Variants in MCMDC2 observed in about 807,000 individuals in gnomAD.
The protein encoded by MCMDC2 is minichromosome maintenance domain-containing protein 2.
Under a neutral mutation model 75.8 loss-of-function variants are expected in MCMDC2, and 54 were observed. The observed-to-expected ratio is 0.71, with a 90% CI of 0.57 to 0.89. MCMDC2 has a LOEUF of 0.89. Ranked by LOEUF, MCMDC2 falls within the 40% of genes least tolerant of loss-of-function variation. The pLI is 0.00. For synonymous variants in MCMDC2, 249 were observed against 274.6 expected, an observed-to-expected ratio of 0.91 and a Z score of 0.92; for missense variants, 656 against 780.4, an observed-to-expected ratio of 0.84 and a Z score of 1.90.
intron 11 of MCMDC2, 118 bp from the exon 12 acceptor site, chr8:66,896,662 A>G (rs1012862130): frequency 1.8e-5 from 13 of 713,040 alleles, no homozygotes; most frequent in Non-Finnish European, 2.5e-5. Flanking sequence ...TATAATTAAT[A>G]TGATAAATAA....
At position 66,886,207 on chromosome 8, in the gene MCMDC2, C is replaced by T. The variant is rs576219167; in HGVS notation, c.1073+2213C>T. ...AAGACGGAGTTTCACTCTTGTTGCC[C>T]GGGCTGGAGTGCAATGGCACCATCT... On this transcript the variant is annotated intron_variant, in intron 9 of 14. Coordinates refer to ENST00000422365, the MANE Select transcript of MCMDC2 (RefSeq NM_173518.5). Among the ~76,000 whole-genome samples, 10 of 148,754 alleles carry T rather than the reference C, an allele frequency of 6.7e-5. No homozygotes were observed. The East Asian group carries it at 9.9e-4, about 15-fold the overall frequency.
chr8:66,917,698 T>C (rs982070669), intron 14 of MCMDC2, among the ~76,000 whole-genome samples: 2 of 152,236 alleles, frequency 1.3e-5, no homozygotes, highest in Non-Finnish European at 2.9e-5. Context: ...CTTAGCATAA[T>C]GTTCTCAAGG....
intron 12 of MCMDC2, 42 bp downstream of exon 12, chr8:66,897,001 T>C (rs751223834): frequency 9.1e-6 from 14 of 1,533,424 alleles, no homozygotes; most frequent in Non-Finnish European, 1.2e-5. Flanking sequence ...CCTGTGCTAA[T>C]GTTTCTCAAA....
At chr8:66,872,786 C>T (rs1368701774) in intron 1 of MCMDC2, among the ~76,000 whole-genome samples, 5 of 151,796 alleles carry the variant, frequency 3.3e-5, no homozygotes, top group African/African-American at 4.8e-5. Context: ...GGTGAAACTC[C>T]GTCTCTACTA....
At chr8:66,879,927 T>A (rs1228561861) in intron 7 of MCMDC2, among the ~76,000 whole-genome samples, 1 of 152,200 alleles carries the variant, frequency 6.6e-6, no homozygotes, top group Non-Finnish European at 1.5e-5. Context: ...ACCACTCTGA[T>A]CTTCACAGAG....
intron 12 of MCMDC2, among the ~76,000 whole-genome samples, chr8:66,900,674 C>CAA (rs140919176): frequency 4.0e-5 from 6 of 151,414 alleles, no homozygotes; most frequent in Non-Finnish European, 7.4e-5. Flanking sequence ...GCACAAAACT[C>CAA]AAAAAAAACA....
intron 9 of MCMDC2, among the ~76,000 whole-genome samples, chr8:66,888,514 A>G (rs1391494039): frequency 6.6e-6 from 1 of 152,208 alleles, no homozygotes; most frequent in East Asian, 1.9e-4. Flanking sequence ...TGAATGTGGC[A>G]TATCTCTCCA....
At chr8:66,882,415 G>A (rs1811626732) in intron 8 of MCMDC2, among the ~76,000 whole-genome samples, 1 of 151,600 alleles carries the variant, frequency 6.6e-6, no homozygotes, top group South Asian at 2.1e-4. Flanking sequence ...ACCTAGGCTG[G>A]GGTGCAGTGA....
At chr8:66,884,239 G>T in intron 9 of MCMDC2, 2 of 523,708 alleles carry the variant, frequency 3.8e-6, no homozygotes, top group South Asian at 3.2e-5. Flanking sequence ...ATCCTTCCCA[G>T]CCTTCCTTTC....
chr8:66,879,151 T>C (rs1811440537), intron 7 of MCMDC2, among the ~76,000 whole-genome samples: 1 of 152,056 alleles, frequency 6.6e-6, no homozygotes. Flanking sequence ...TAGTCCTAGC[T>C]ACCTGGGAAG....
intron 14 of MCMDC2, among the ~76,000 whole-genome samples, chr8:66,908,946 C>T (rs566830324): frequency 6.6e-6 from 1 of 152,134 alleles, no homozygotes; most frequent in Admixed American, 6.6e-5. Context: ...GTGACTGACA[C>T]AGTTAGGCTT....
At chr8:66,897,457 T>G (rs1812415254) in intron 12 of MCMDC2, among the ~76,000 whole-genome samples, 1 of 151,552 alleles carries the variant, frequency 6.6e-6, no homozygotes, top group Non-Finnish European at 1.5e-5. Flanking sequence ...TTTAGAATTA[T>G]TTAGGGCTAT....
Position 66,891,036 on chromosome 8 carries a change from A to C in MCMDC2, c.1245A>C (p.Ser415=). 6.3e-7 allele frequency: 1 copy of C among 1,591,824 alleles called. No individual in the cohort carries two copies. The highest frequency in any genetic ancestry group is 8.5e-7 in the Non-Finnish European group (1 of 1,175,050). ...GGICFIGDLA[S]HKKDKLEQLQ... The stretch of plus-strand genomic sequence containing the variant: ...TCTGCTTTATAGGAGACTTGGCTTC[A>C]CACAAAAAAGATAAACTTGAACAGC... Residue 415 remains serine, a synonymous_variant, in exon 10 of 15, where the codon TCA becomes TCC. Transcript: ENST00000422365.
In MCMDC2 at chr8:66,872,947, G is replaced by A. The variant is rs148389835; in HGVS notation, c.-88-1106G>A. The stretch of plus-strand genomic sequence containing the variant: ...ACTCCAGCCTGGGCGACAGAGTTGG[G>A]ACTCCATCTCAAAAAAAAAAAAAAA... On this transcript the variant is annotated intron_variant, in intron 1 of 14. Transcript: ENST00000422365. 1.7e-3 allele frequency among the ~76,000 whole-genome samples: 209 copies of A among 119,772 alleles called. 2 individuals are homozygous for A. Among genetic ancestry groups the A allele is most frequent in the African/African-American group, 6.5e-3 (196 of 30,266 alleles). The allele number at this position is 119,772 out of a possible 152,430, so 78.6% of individuals were successfully genotyped here. A position where few individuals can be genotyped will look rare whatever the true frequency, so the allele number is the denominator to read the frequency against.
chr8:66,883,419 G>T (rs1190776475), intron 8 of MCMDC2, among the ~76,000 whole-genome samples: 1 of 152,028 alleles, frequency 6.6e-6, no homozygotes, highest in Non-Finnish European at 1.5e-5. Flanking sequence ...GGACACAAAG[G>T]GTGACTTCTT....
chr8:66,893,595 A>G (rs937995605), intron 10 of MCMDC2, among the ~76,000 whole-genome samples: 2 of 152,298 alleles, frequency 1.3e-5, no homozygotes, highest in South Asian at 2.1e-4. Flanking sequence ...AGACTTATTC[A>G]TTATCATGAG....
intron 12 of MCMDC2, among the ~76,000 whole-genome samples, chr8:66,900,281 AC>A (rs1206760913): frequency 2.6e-5 from 4 of 152,042 alleles, no homozygotes; most frequent in African/African-American, 9.7e-5. Flanking sequence ...TACCAAAAAT[AC>A]AAAAAATTAG....
intron 14 of MCMDC2, among the ~76,000 whole-genome samples, chr8:66,906,088 T>G (rs1367024499): frequency 2.6e-5 from 4 of 152,166 alleles, no homozygotes; most frequent in Admixed American, 6.5e-5. Context: ...TTTAATACTA[T>G]GTCTATAGCA....
chr8:66,885,768 C>T (rs1297417222), intron 9 of MCMDC2, among the ~76,000 whole-genome samples: 2 of 152,172 alleles, frequency 1.3e-5, no homozygotes, highest in Non-Finnish European at 2.9e-5. Flanking sequence ...AATTTCCCTC[C>T]TTCCCTCTTC....
Sources: gnomAD v4.1 joint callset for allele counts (sites outside exome capture counted in the v4.1 genomes callset) on GRCh38, gnomAD v4.1.1 for gene constraint, MANE v1.5 for transcripts, NCBI Gene and HGNC (gene_info 2026-07-23, HGNC 2026-07-21) for gene names.